The following FOXP2 variants were observed in gnomAD, a reference collection of about 807,000 sequenced individuals.
FOXP2 encodes forkhead box protein P2.
Under a neutral mutation model 115.8 loss-of-function variants are expected in FOXP2, and 12 were observed. The observed-to-expected ratio is 0.10, with a 90% CI of 0.07 to 0.17. The LOEUF is 0.17. Ranked by LOEUF, FOXP2 falls within the 10% of genes least tolerant of loss-of-function variation. The probability of loss-of-function intolerance (pLI) is 1.00; values close to 1 mark genes in which losing one functional copy is unlikely to be tolerated. For missense variants in FOXP2, 629 were observed against 843.5 expected (o/e 0.75, Z 3.15); for synonymous variants, 328 against 297.7 (o/e 1.10, Z -1.05).
intron 2 of FOXP2, among the ~76,000 whole-genome samples, chr7:114,400,443 A>C (rs1055960431): frequency 6.6e-6 from 1 of 152,182 alleles, no homozygotes; most frequent in Admixed American, 6.5e-5. Flanking sequence ...TTGTAAAAGC[A>C]ATACACACCT....
chr7:114,151,921 G>C (rs1380563359), intron 1 of FOXP2, among the ~76,000 whole-genome samples: 2 of 152,010 alleles, frequency 1.3e-5, no homozygotes, highest in Non-Finnish European at 2.9e-5. Context: ...TTATCTAAAA[G>C]AAAATAGTAA....
chr7:114,152,193 G>A (rs1360224328), intron 1 of FOXP2, among the ~76,000 whole-genome samples: 1 of 152,094 alleles, frequency 6.6e-6, no homozygotes, highest in African/African-American at 2.4e-5. Context: ...TACAGTATGT[G>A]TGGCACAATG....
intron 3 of FOXP2, among the ~76,000 whole-genome samples, chr7:114,606,885 G>C (rs1016774622): frequency 6.6e-6 from 1 of 152,080 alleles, no homozygotes; most frequent in African/African-American, 2.4e-5. Context: ...TTTAATGCTC[G>C]CAATTAATGG....
intron 1 of FOXP2, among the ~76,000 whole-genome samples, chr7:114,425,876 C>A (rs1405196406): frequency 1.3e-5 from 2 of 151,480 alleles, no homozygotes; most frequent in East Asian, 3.9e-4. Flanking sequence ...AAAAAATAGG[C>A]AATATCTGAC....
At position 114,662,139 on chromosome 7, in the gene FOXP2, T is replaced by C. The variant is rs556227954; in HGVS notation, c.1722T>C (p.Thr574=). The C allele has an allele frequency of 8.7e-5, 140 of 1,613,018 alleles. 1 individual carries two copies. In the South Asian group the frequency reaches 1.4e-3, roughly 17 times the overall value. Reference sequence around the variant, plus strand: ...AAAATGTTAAAGGAGCAGTATGGACTGTGGATGAAGTAGAATACCAGAAGC... The same window carrying C: ...AAAATGTTAAAGGAGCAGTATGGACCGTGGATGAAGTAGAATACCAGAAGC... The part of the protein sequence containing the change: ...RVENVKGAVW[T]VDEVEYQKRR... The change falls in exon 14 of 17, where the codon ACT becomes ACC. Residue 574 remains threonine, a synonymous_variant. Transcript: ENST00000350908.
At chr7:114,349,276 A>G (rs1243628653) in intron 2 of FOXP2, among the ~76,000 whole-genome samples, 1 of 152,096 alleles carries the variant, frequency 6.6e-6, no homozygotes, top group Non-Finnish European at 1.5e-5. Flanking sequence ...CTAGTGTTTG[A>G]TAGTGGGAAT....
intron 2 of FOXP2, among the ~76,000 whole-genome samples, chr7:114,465,373 A>T (rs1373550436): frequency 1.3e-5 from 2 of 152,220 alleles, no homozygotes; most frequent in Non-Finnish European, 2.9e-5. Flanking sequence ...CACCTAGTTA[A>T]TAAATTTTAA....
At chr7:114,351,158 T>C (rs975684205) in intron 2 of FOXP2, among the ~76,000 whole-genome samples, 3 of 152,196 alleles carry the variant, frequency 2.0e-5, no homozygotes, top group African/African-American at 7.2e-5. Context: ...GCCAACTGTA[T>C]GGTGTTTAAT....
intron 2 of FOXP2, among the ~76,000 whole-genome samples, chr7:114,389,156 C>G (rs1003700795): frequency 1.3e-5 from 2 of 152,116 alleles, no homozygotes; most frequent in African/African-American, 2.4e-5. Context: ...TAACACTTAA[C>G]CTGAAGCTGT....
In FOXP2 at chr7:114,595,032, C is replaced by T. The variant is rs116329173; in HGVS notation, c.259-33508C>T. Among the ~76,000 whole-genome samples the T allele has an allele frequency of 6.0e-3, 919 of 151,998 alleles. 5 individuals are homozygous for T. The highest frequency in any genetic ancestry group is 0.021 in the African/African-American group (878 of 41,488). ...CACCCTTTAAGACTGTTTATATGTG[C>T]AAGAAGCAAGTGCATGATATTTATA... is the stretch of plus-strand genomic sequence containing the variant. On this transcript the variant is annotated intron_variant, in intron 3 of 16. Coordinates refer to ENST00000350908, the MANE Select transcript of FOXP2 (RefSeq NM_014491.4).
intron 1 of FOXP2, among the ~76,000 whole-genome samples, chr7:114,280,282 A>G (rs1353510106): frequency 6.6e-6 from 1 of 151,926 alleles, no homozygotes; most frequent in Non-Finnish European, 1.5e-5. Flanking sequence ...AAATTTTTTT[A>G]CCTTTGAATC....
At chr7:114,197,434 C>CT (rs1793941940) in intron 1 of FOXP2, among the ~76,000 whole-genome samples, 2 of 152,176 alleles carry the variant, frequency 1.3e-5, no homozygotes, top group Admixed American at 6.5e-5. Flanking sequence ...AAGTGCAACT[C>CT]TGAGTTTGAG....
intron 2 of FOXP2, among the ~76,000 whole-genome samples, chr7:114,378,888 T>C (rs1474628210): frequency 1.3e-5 from 2 of 150,948 alleles, no homozygotes; most frequent in African/African-American, 4.9e-5. Flanking sequence ...CCATGATCAA[T>C]TGTAAAATAA....
chr7:114,550,180 C>T (rs1448063578), intron 3 of FOXP2, among the ~76,000 whole-genome samples: 2 of 136,786 alleles, frequency 1.5e-5, no homozygotes, highest in Admixed American at 8.3e-5. Flanking sequence ...TGCAGTGGTG[C>T]GATCTCGGCT....
Position 114,691,213 on chromosome 7 carries a change from C to CTTGTTCTTAATCTTTG in FOXP2, c.*1291_*1292insTCTTAATCTTTGTTGT. The CTTGTTCTTAATCTTTG allele has an allele frequency of 2.2e-6, 1 of 453,906 alleles. No homozygotes were observed. 28.1% of individuals were successfully genotyped at this position (453,906 alleles called of 1,614,324 possible). On this transcript the variant is annotated 3_prime_UTR_variant, in exon 17 of 17. Coordinates refer to ENST00000350908, the MANE Select transcript of FOXP2 (RefSeq NM_014491.4). Reference sequence around the variant, plus strand: ...GTGAATACATGTTGTTAGAAGATGTCTTGTATGGTCTTAATCTTTGTTGTG... The same window carrying CTTGTTCTTAATCTTTG: ...GTGAATACATGTTGTTAGAAGATGTCTTGTTCTTAATCTTTGTTGTATGGTCTTAATCTTTGTTGTG...
At chr7:114,308,755 AT>A (rs2129179654) in intron 2 of FOXP2, among the ~76,000 whole-genome samples, 2 of 152,266 alleles carry the variant, frequency 1.3e-5, no homozygotes, top group East Asian at 3.9e-4. Context: ...AGAATTGTCC[AT>A]CTGTAGGTGG....
At chr7:114,538,463 A>G in intron 3 of FOXP2, 1 of 799,004 alleles carries the variant, frequency 1.3e-6, no homozygotes, top group Non-Finnish European at 1.8e-6. Flanking sequence ...AGGTTAATAT[A>G]TAATATAAAG....
chr7:114,364,878 T>A (rs935677331), intron 2 of FOXP2, among the ~76,000 whole-genome samples: 5 of 152,118 alleles, frequency 3.3e-5, no homozygotes, highest in African/African-American at 7.2e-5. Flanking sequence ...TTAGTATGAT[T>A]TGGGTAAAAG....
At chr7:114,223,459 T>A (rs1779014935) in intron 1 of FOXP2, among the ~76,000 whole-genome samples, 1 of 148,172 alleles carries the variant, frequency 6.7e-6, no homozygotes, top group Non-Finnish European at 1.5e-5. Flanking sequence ...TGCATATTGA[T>A]TTGAAGGAAT....
Sources: gnomAD v4.1 joint callset for allele counts (sites outside exome capture counted in the v4.1 genomes callset) on GRCh38, gnomAD v4.1.1 for gene constraint, MANE v1.5 for transcripts, NCBI Gene and HGNC (gene_info 2026-07-23, HGNC 2026-07-21) for gene names.